ARMC3: variants seen among roughly 807,000 people sequenced by gnomAD.
The protein encoded by ARMC3 is armadillo repeat-containing protein 3.
ARMC3 carries 74 observed loss-of-function variants against 90.3 expected under a neutral mutation model. The ratio of observed to expected loss-of-function variants is 0.82; its 90% confidence interval spans 0.68 to 0.99. The LOEUF (loss-of-function observed/expected upper bound fraction) is 0.99. ARMC3 is among the 50% of genes least tolerant of loss of function. The pLI is 0.00. For missense variants in ARMC3, 958 were observed against 1,042.8 expected, an observed-to-expected ratio of 0.92 and a Z score of 1.12; for synonymous variants, 334 against 361.8, an observed-to-expected ratio of 0.92 and a Z score of 0.87.
chr10:22,980,235 T>A lies in ARMC3; in HGVS notation c.917-1105T>A, dbSNP rs1318444432. Among the ~76,000 whole-genome samples, 3 of 152,188 alleles carry A rather than the reference T, an allele frequency of 2.0e-5. No homozygotes were observed. In the East Asian group the frequency reaches 5.8e-4, roughly 29 times the overall value. ...TTATTCTAATAGAATATTCTTCTCTTATATATCTTGAGTGCATATCACACA... is the reference window on the plus strand; with the variant it reads ...TTATTCTAATAGAATATTCTTCTCTAATATATCTTGAGTGCATATCACACA... On this transcript the variant is annotated intron_variant, in intron 8 of 18. Transcript: ENST00000298032.
At chr10:23,030,454 G>A in intron 16 of ARMC3, 142 bp from the exon 17 acceptor site, 2 of 1,392,210 alleles carry the variant, frequency 1.4e-6, no homozygotes, top group Non-Finnish European at 1.9e-6. Context: ...CCACATATAA[G>A]TGGATCCACA....
intron 7 of ARMC3, among the ~76,000 whole-genome samples, chr10:22,966,104 T>C (rs1379228145): frequency 3.3e-5 from 5 of 152,230 alleles, no homozygotes; most frequent in Non-Finnish European, 7.3e-5. Flanking sequence ...TTTGCTGTAC[T>C]AGGCAGTGAG....
chr10:22,933,476 G>A (rs1449088433), intron 2 of ARMC3, among the ~76,000 whole-genome samples: 1 of 152,148 alleles, frequency 6.6e-6, no homozygotes, highest in African/African-American at 2.4e-5. Flanking sequence ...ACACAATGGA[G>A]AACTTGAGAA....
chr10:23,018,489 C>T (rs1191725471), intron 16 of ARMC3, among the ~76,000 whole-genome samples: 1 of 147,668 alleles, frequency 6.8e-6, no homozygotes, highest in African/African-American at 2.5e-5. Context: ...ATAATGGTAT[C>T]ATTTATTAGA....
chr10:22,970,521 C>T (rs759397252), intron 8 of ARMC3, among the ~76,000 whole-genome samples: 1 of 152,172 alleles, frequency 6.6e-6, no homozygotes, highest in Non-Finnish European at 1.5e-5. Flanking sequence ...TGGATTTTCA[C>T]TTGTTAAAGA....
chr10:23,001,825 A>T, intron 11 of ARMC3, 94 bp from the exon 12 acceptor site: 2 of 1,383,500 alleles, frequency 1.4e-6, no homozygotes, highest in Non-Finnish European at 2.0e-6. Context: ...ACATAGTTAA[A>T]ACCTTTTAGC....
rs147218606 is a variant in ARMC3 at position 22,971,022 on chromosome 10, G to A, written c.916+2533G>A. 2.5e-4 allele frequency among the ~76,000 whole-genome samples: 38 copies of A among 152,242 alleles called. No individual in the cohort carries two copies. The East Asian group carries it at 5.4e-3, about 22-fold the overall frequency. On this transcript the variant is annotated intron_variant, in intron 8 of 18. Transcript: ENST00000298032. ...ATCTTTTCATTTAGCAAAACTAAAA[G>A]TATACCAATTAAACAATCATTCCCA...
chr10:22,959,036 A>G (rs1385129776), intron 4 of ARMC3, 34 bp from the exon 5 acceptor site: 1 of 1,480,562 alleles, frequency 6.8e-7, no homozygotes, highest in East Asian at 2.3e-5. Context: ...TATTATTATT[A>G]ATAAACATCA....
At position 22,953,460 on chromosome 10, in the gene ARMC3, T is replaced by C. The variant is rs76933673; in HGVS notation, c.167-2347T>C. On this transcript the variant is annotated intron_variant, in intron 3 of 18. Coordinates refer to ENST00000298032, the MANE Select transcript of ARMC3 (RefSeq NM_173081.5). Reference sequence around the variant, plus strand: ...CATCTTAATACATGCAAAACAACCTTTTTGGCAAAATCTGACATCCACTCC... The same window carrying C: ...CATCTTAATACATGCAAAACAACCTCTTTGGCAAAATCTGACATCCACTCC... 5.3e-3 allele frequency among the ~76,000 whole-genome samples: 802 copies of C among 152,248 alleles called. 6 individuals carry two copies. The highest frequency in any genetic ancestry group is 0.019 in the African/African-American group (772 of 41,562).
intron 10 of ARMC3, among the ~76,000 whole-genome samples, chr10:22,993,631 G>A (rs1393546336): frequency 6.6e-6 from 1 of 152,098 alleles, no homozygotes; most frequent in African/African-American, 2.4e-5. Context: ...ATATAAATAA[G>A]ACTCAAATAT....
chr10:22,962,558 C>G (rs571089395), intron 7 of ARMC3, among the ~76,000 whole-genome samples: 1 of 152,310 alleles, frequency 6.6e-6, no homozygotes, highest in East Asian at 1.9e-4. Flanking sequence ...TTGAGTGGTT[C>G]AGATCTCTTC....
intron 16 of ARMC3, among the ~76,000 whole-genome samples, chr10:23,016,449 G>A (rs1838276783): frequency 6.6e-6 from 1 of 152,142 alleles, no homozygotes. Flanking sequence ...TAACCTTAGA[G>A]CTTTGGATCC....
rs978031153 is a variant in ARMC3, at chr10:23,037,549, A to C, written c.*70A>C. On this transcript the variant is annotated 3_prime_UTR_variant, in exon 19 of 19. Coordinates refer to ENST00000298032, the MANE Select transcript of ARMC3 (RefSeq NM_173081.5). The stretch of plus-strand genomic sequence containing the variant: ...TGTACACTCTCTAAGACATTCTCCA[A>C]ATTGATTTTATCTCTTTAAATAAAA... 52 of 1,257,098 alleles carry C rather than the reference A, an allele frequency of 4.1e-5. No homozygotes were observed. In the East Asian group the frequency reaches 1.2e-3, roughly 30 times the overall value. The allele number at this position is 1,257,098 out of a possible 1,614,324, so 77.9% of individuals were successfully genotyped here. A position where few individuals can be genotyped will look rare whatever the true frequency, so the allele number is the denominator to read the frequency against.
At chr10:22,998,760 T>C (rs1241115439) in intron 11 of ARMC3, among the ~76,000 whole-genome samples, 2 of 152,212 alleles carry the variant, frequency 1.3e-5, no homozygotes, top group African/African-American at 4.8e-5. Flanking sequence ...GAATCTCATG[T>C]CAGTGAAAAT....
intron 12 of ARMC3, among the ~76,000 whole-genome samples, 180 bp from the exon 13 acceptor site, chr10:23,003,066 T>C (rs922916913): frequency 1.3e-5 from 2 of 152,224 alleles, no homozygotes; most frequent in African/African-American, 4.8e-5. Flanking sequence ...GGCATATGTA[T>C]CCTTAAGAAG....
chr10:23,012,021 C>A (rs529209439), intron 16 of ARMC3, among the ~76,000 whole-genome samples: 1 of 152,168 alleles, frequency 6.6e-6, no homozygotes, highest in Non-Finnish European at 1.5e-5. Context: ...CAAAGTGCAC[C>A]TTTCCCTCTG....
intron 16 of ARMC3, among the ~76,000 whole-genome samples, chr10:23,018,267 C>T (rs1838361944): frequency 6.6e-6 from 1 of 152,172 alleles, no homozygotes; most frequent in Admixed American, 6.5e-5. Context: ...GGAAGCAGGT[C>T]TGTGGTCACA....
intron 3 of ARMC3, among the ~76,000 whole-genome samples, chr10:22,949,552 C>T (rs150882069): frequency 6.6e-6 from 1 of 152,106 alleles, no homozygotes. Context: ...GTAACACAAC[C>T]TGTCCAAAAT....
At position 22,981,501 on chromosome 10, in the gene ARMC3, A is replaced by T; in HGVS notation, c.1069+9A>T. On this transcript the variant is annotated intron_variant, in intron 9 of 18. Coordinates refer to ENST00000298032, the MANE Select transcript of ARMC3 (RefSeq NM_173081.5). ...TTTTTTCAATAATCAGGGTAAGTCAACTGGAAACAATTCTTTTGAGCATTT... is the reference window on the plus strand; with the variant it reads ...TTTTTTCAATAATCAGGGTAAGTCATCTGGAAACAATTCTTTTGAGCATTT... 1 of 1,613,684 alleles carries T rather than the reference A, an allele frequency of 6.2e-7. No homozygotes were observed. The highest frequency in any genetic ancestry group is 8.5e-7 in the Non-Finnish European group (1 of 1,179,768).
Sources: gnomAD v4.1 joint callset for allele counts (sites outside exome capture counted in the v4.1 genomes callset) on GRCh38, gnomAD v4.1.1 for gene constraint, MANE v1.5 for transcripts, NCBI Gene and HGNC (gene_info 2026-07-23, HGNC 2026-07-21) for gene names.